The following RASEF variants were observed in gnomAD, a reference collection of about 807,000 sequenced individuals.
RASEF encodes RAS and EF-hand domain containing, also known as ras and EF-hand domain-containing protein.
Under a neutral mutation model 90.1 loss-of-function variants are expected in RASEF, and 68 were observed. The ratio of observed to expected loss-of-function variants is 0.75; its 90% CI spans 0.62 to 0.92. The LOEUF (loss-of-function observed/expected upper bound fraction) is 0.92, where lower values mean the gene tolerates loss of function less well. Ranked by LOEUF, RASEF falls within the 40% of genes least tolerant of loss-of-function variation. RASEF has a pLI of 0.00. For synonymous variants in RASEF, 331 were observed against 345.2 expected (o/e 0.96, Z 0.46); for missense variants, 949 against 937.2 (o/e 1.01, Z -0.16).
chr9:83,174,727 C>T, the RASEF span, among the ~76,000 whole-genome samples: 1 of 152,144 alleles, frequency 6.6e-6, no homozygotes, highest in Non-Finnish European at 1.5e-5. Context: ...GCCATCTTAA[C>T]AATGTTAACT....
chr9:83,211,152 C>T, the RASEF span, among the ~76,000 whole-genome samples: 4 of 152,142 alleles, frequency 2.6e-5, no homozygotes, highest in African/African-American at 9.7e-5. Context: ...GTTGCCATGC[C>T]TCTTTAGTCT....
the RASEF span, among the ~76,000 whole-genome samples, chr9:83,194,700 T>C: frequency 3.3e-5 from 5 of 152,220 alleles, no homozygotes; most frequent in African/African-American, 4.8e-5. Flanking sequence ...CCCGTTTATT[T>C]AATCACTCAT....
At chr9:82,999,967 C>T (rs762735804) in intron 12 of RASEF, among the ~76,000 whole-genome samples, 11 of 146,546 alleles carry the variant, frequency 7.5e-5, no homozygotes, top group Non-Finnish European at 1.0e-4. Context: ...CAAGAAAGAC[C>T]TTTCCATAGA....
intron 1 of RASEF, among the ~76,000 whole-genome samples, chr9:83,035,402 C>T (rs944750833): frequency 6.6e-6 from 1 of 152,192 alleles, no homozygotes; most frequent in African/African-American, 2.4e-5. Context: ...AGGCCCTGAG[C>T]ATAGCAATGT....
At chr9:83,079,559 G>A in the RASEF span, among the ~76,000 whole-genome samples, 1 of 152,108 alleles carries the variant, frequency 6.6e-6, no homozygotes, top group East Asian at 1.9e-4. Context: ...CCGCCTCCAT[G>A]ACCCAAACGC....
At chr9:83,022,974 AAATT>A (rs1829470556) in intron 2 of RASEF, among the ~76,000 whole-genome samples, 1 of 152,246 alleles carries the variant, frequency 6.6e-6, no homozygotes, top group Non-Finnish European at 1.5e-5. Context: ...TATATTAAAT[AAATT>A]AATAAATTGG....
chr9:83,110,442 T>C, the RASEF span, among the ~76,000 whole-genome samples: 1 of 152,188 alleles, frequency 6.6e-6, no homozygotes, highest in Non-Finnish European at 1.5e-5. Context: ...TGAGAATAGA[T>C]GTTTGCCAAG....
the RASEF span, among the ~76,000 whole-genome samples, chr9:83,084,427 C>T: frequency 6.6e-6 from 1 of 152,140 alleles, no homozygotes; most frequent in Non-Finnish European, 1.5e-5. Flanking sequence ...AGGCAGCTGG[C>T]TACCATTTGC....
At chr9:83,169,872 T>C in the RASEF span, among the ~76,000 whole-genome samples, 2 of 151,710 alleles carry the variant, frequency 1.3e-5, no homozygotes, top group Admixed American at 6.6e-5. Context: ...TTTTTATTTG[T>C]AGATTGTATC....
At chr9:83,178,581 T>G in the RASEF span, among the ~76,000 whole-genome samples, 1 of 152,166 alleles carries the variant, frequency 6.6e-6, no homozygotes, top group Non-Finnish European at 1.5e-5. Context: ...AAGCTCCCCT[T>G]AAGCTCCAGC....
At chr9:83,158,625 CATATGTAT>C in the RASEF span, among the ~76,000 whole-genome samples, 314 of 87,366 alleles carry the variant, frequency 3.6e-3, 3 homozygotes, top group African/African-American at 0.016. Context: ...TATATATGTA[CATATGTAT>C]ATATGTATAT....
chr9:83,162,053 A>T, the RASEF span, among the ~76,000 whole-genome samples: 4 of 152,264 alleles, frequency 2.6e-5, no homozygotes, highest in South Asian at 8.3e-4. Flanking sequence ...CAGGCACAAA[A>T]TTTGTGAAAA....
At chr9:83,089,380 CTTTA>C in the RASEF span, among the ~76,000 whole-genome samples, 95 of 152,080 alleles carry the variant, frequency 6.2e-4, no homozygotes, top group Non-Finnish European at 1.2e-3. Flanking sequence ...TTCTAGTGCT[CTTTA>C]TTTATTTATG....
At chr9:83,049,621 T>C (rs1358641374) in intron 1 of RASEF, among the ~76,000 whole-genome samples, 2 of 143,250 alleles carry the variant, frequency 1.4e-5, no homozygotes, top group Non-Finnish European at 3.0e-5. Context: ...ACATGTGCCA[T>C]GCTGGTGCGC....
At chr9:83,044,827 A>T (rs1022364988) in intron 1 of RASEF, among the ~76,000 whole-genome samples, 1 of 152,220 alleles carries the variant, frequency 6.6e-6, no homozygotes, top group Non-Finnish European at 1.5e-5. Flanking sequence ...CATGAGATTA[A>T]CACTTAAATC....
intron 1 of RASEF, among the ~76,000 whole-genome samples, chr9:83,042,721 G>T (rs1587517651): frequency 6.6e-6 from 1 of 151,984 alleles, no homozygotes; most frequent in East Asian, 1.9e-4. Flanking sequence ...GAATCCAAAA[G>T]GAGGTTGGAA....
intron 16 of RASEF, among the ~76,000 whole-genome samples, chr9:82,985,353 A>C (rs1357275030): frequency 6.6e-6 from 1 of 152,196 alleles, no homozygotes; most frequent in African/African-American, 2.4e-5. Context: ...ATCTCGTGAG[A>C]CTTATTCACT....
At chr9:83,156,777 A>C in the RASEF span, among the ~76,000 whole-genome samples, 1 of 152,134 alleles carries the variant, frequency 6.6e-6, no homozygotes, top group Non-Finnish European at 1.5e-5. Context: ...ATCTTTAATA[A>C]AGCATTGTCA....
At chr9:83,012,328 A>C (rs771407973) in intron 5 of RASEF, 106 bp downstream of exon 5, 8 of 530,582 alleles carry the variant, frequency 1.5e-5, no homozygotes, top group Non-Finnish European at 2.6e-5. Context: ...TTCTAACTAC[A>C]GTATTAACTT....
Sources: gnomAD v4.1 joint callset for allele counts (sites outside exome capture counted in the v4.1 genomes callset) on GRCh38, gnomAD v4.1.1 for gene constraint, MANE v1.5 for transcripts, NCBI Gene and HGNC (gene_info 2026-07-23, HGNC 2026-07-21) for gene names.